The following WWOX variants were observed in gnomAD, a reference collection of about 807,000 sequenced individuals.
WWOX encodes the protein WW domain containing oxidoreductase.
A neutral mutation model predicts 46.2 loss-of-function variants in WWOX; 69 were observed. That is an observed-to-expected ratio of 1.49 (90% confidence interval 1.23 to 1.82). The LOEUF (loss-of-function observed/expected upper bound fraction) is 1.82, where lower values mean the gene tolerates loss of function less well. Among genes scored for constraint, WWOX ranks in the 40% most tolerant of loss-of-function variants. The pLI is 0.00. For missense variants in WWOX, 919 were observed against 542.6 expected, an observed-to-expected ratio of 1.69 and a Z score of -6.89; for synonymous variants, 359 against 202.6, an observed-to-expected ratio of 1.77 and a Z score of -6.56.
intron 5 of WWOX, among the ~76,000 whole-genome samples, chr16:78,194,038 C>T (rs1448046181): frequency 2.7e-5 from 4 of 150,018 alleles, no homozygotes; most frequent in Admixed American, 6.6e-5. Flanking sequence ...CCACCGAGCC[C>T]GGCTAATTTT....
intron 8 of WWOX, among the ~76,000 whole-genome samples, chr16:78,501,486 C>G (rs558436292): frequency 6.6e-6 from 1 of 151,966 alleles, no homozygotes; most frequent in Non-Finnish European, 1.5e-5. Context: ...CTCTTTCAAA[C>G]TGTACTGCTC....
At chr16:78,219,948 T>C (rs776806961) in intron 5 of WWOX, among the ~76,000 whole-genome samples, 1 of 152,234 alleles carries the variant, frequency 6.6e-6, no homozygotes, top group Non-Finnish European at 1.5e-5. Flanking sequence ...TTGAACTATA[T>C]ATATCACAAT....
At chr16:78,837,181 G>T (rs2052010321) in intron 8 of WWOX, among the ~76,000 whole-genome samples, 1 of 152,164 alleles carries the variant, frequency 6.6e-6, no homozygotes, top group African/African-American at 2.4e-5. Flanking sequence ...GCATGTAGAT[G>T]GCTTTTATTA....
At chr16:78,775,313 C>G (rs901031893) in intron 8 of WWOX, among the ~76,000 whole-genome samples, 9 of 152,120 alleles carry the variant, frequency 5.9e-5, no homozygotes, top group Non-Finnish European at 1.0e-4. Flanking sequence ...ACAGCAATGC[C>G]TTTGAGAATC....
chr16:78,574,603 T>A (rs1382209937), intron 8 of WWOX, among the ~76,000 whole-genome samples: 1 of 152,166 alleles, frequency 6.6e-6, no homozygotes, highest in Admixed American at 6.5e-5. Context: ...ATCCTTTTTA[T>A]GGCTGAATAA....
intron 8 of WWOX, among the ~76,000 whole-genome samples, chr16:78,581,592 C>T (rs1388752653): frequency 6.6e-6 from 1 of 152,012 alleles, no homozygotes; most frequent in Admixed American, 6.6e-5. Context: ...TTTTTTTTAA[C>T]CAGTAAATGC....
Position 78,408,574 on chromosome 16 carries a change from C to G in WWOX, c.606-16296C>G, listed in dbSNP as rs76986898. Among the ~76,000 whole-genome samples, 480 of 152,310 alleles carry G rather than the reference C, an allele frequency of 3.2e-3. 14 individuals carry two copies. The East Asian group carries it at 0.067, about 21-fold the overall frequency. On this transcript the variant is annotated intron_variant, in intron 6 of 8. Coordinates refer to ENST00000566780, the MANE Select transcript of WWOX (RefSeq NM_016373.4). ...AGCAGAAAGACTGTATCACAGGGAA[C>G]TTGTGTAACAGCTTGATCTCCTGTC...
chr16:79,149,415 T>C lies in WWOX; in HGVS notation c.1057-62193T>C, dbSNP rs1453174337. ...ATGGCATATATGTTTTTTTATACAT[T>C]GTTGGATACAGTTTGCTAACATTTT... On this transcript the variant is annotated intron_variant, in intron 8 of 8. Coordinates refer to ENST00000566780, the MANE Select transcript of WWOX (RefSeq NM_016373.4). Among the ~76,000 whole-genome samples, 4 of 152,214 alleles carry C rather than the reference T, an allele frequency of 2.6e-5. No homozygotes were observed. The South Asian group carries it at 8.3e-4, about 32-fold the overall frequency.
chr16:79,089,279 C>T lies in WWOX; in HGVS notation c.1057-122329C>T, dbSNP rs148044251. Among the ~76,000 whole-genome samples the T allele has an allele frequency of 3.1e-4, 47 of 151,338 alleles. No individual in the cohort carries two copies. In the East Asian group the frequency reaches 6.0e-3, roughly 19 times the overall value. ...AATGATTAGAATATTTGTAAAGTTC[C>T]TGGCAAAGGTTTGATTATAAATTAG... On this transcript the variant is annotated intron_variant, in intron 8 of 8. Coordinates refer to ENST00000566780, the MANE Select transcript of WWOX (RefSeq NM_016373.4).
chr16:78,164,481 G>T (rs1305012148), intron 5 of WWOX, among the ~76,000 whole-genome samples, 192 bp downstream of exon 5: 1 of 152,170 alleles, frequency 6.6e-6, no homozygotes, highest in Non-Finnish European at 1.5e-5. Flanking sequence ...GCATTTGTTT[G>T]TAGTTCATTG....
At chr16:78,798,845 C>T (rs1239529678) in intron 8 of WWOX, among the ~76,000 whole-genome samples, 2 of 152,126 alleles carry the variant, frequency 1.3e-5, no homozygotes, top group African/African-American at 4.8e-5. Context: ...CAGATGCGGC[C>T]AATGTCAGGA....
chr16:79,041,820 A>G (rs2047976968), intron 8 of WWOX, among the ~76,000 whole-genome samples: 1 of 152,136 alleles, frequency 6.6e-6, no homozygotes, highest in Non-Finnish European at 1.5e-5. Flanking sequence ...CAAAATTCAG[A>G]CAAACCTAGA....
intron 8 of WWOX, among the ~76,000 whole-genome samples, chr16:78,965,909 G>T (rs1347474733): frequency 1.3e-5 from 2 of 152,142 alleles, no homozygotes; most frequent in African/African-American, 4.8e-5. Flanking sequence ...TTATACAATT[G>T]GACGAAATGG....
At chr16:78,319,143 C>A (rs932100432) in intron 5 of WWOX, among the ~76,000 whole-genome samples, 5 of 152,052 alleles carry the variant, frequency 3.3e-5, no homozygotes, top group Non-Finnish European at 7.4e-5. Flanking sequence ...AAGGACACCG[C>A]CACACATTGC....
chr16:78,727,029 T>G (rs920014214), intron 8 of WWOX, among the ~76,000 whole-genome samples: 1 of 152,186 alleles, frequency 6.6e-6, no homozygotes, highest in Admixed American at 6.5e-5. Context: ...TGGTGTAAGT[T>G]GCCTTATTCC....
intron 8 of WWOX, among the ~76,000 whole-genome samples, chr16:78,735,426 C>CACACACACACAA (rs57609552): frequency 0.1 from 15,299 of 150,120 alleles, 940 homozygotes; most frequent in African/African-American, 0.15. Context: ...CACACACACA[C>CACACACACACAA]TAATATGGTT....
In WWOX at chr16:78,942,150, G is replaced by A. The variant is rs1233476527; in HGVS notation, c.1057-269458G>A. 5.9e-5 allele frequency among the ~76,000 whole-genome samples: 9 copies of A among 152,272 alleles called. No individual in the cohort carries two copies. In the East Asian group the frequency reaches 1.7e-3, roughly 29 times the overall value. ...CCTCCTTTTCTAGTAGCTTGGATGT[G>A]ATTGGTATGGAGAAGCAGAGTGGGT... On this transcript the variant is annotated intron_variant, in intron 8 of 8. Transcript: ENST00000566780.
intron 8 of WWOX, among the ~76,000 whole-genome samples, chr16:78,932,840 C>T (rs1165739819): frequency 6.6e-6 from 1 of 152,150 alleles, no homozygotes; most frequent in Non-Finnish European, 1.5e-5. Context: ...AGCAAGGAGG[C>T]ATTTGGAGGT....
intron 8 of WWOX, among the ~76,000 whole-genome samples, chr16:78,930,009 G>A (rs780013165): frequency 4.6e-5 from 7 of 152,108 alleles, no homozygotes; most frequent in East Asian, 3.9e-4. Context: ...CAGTTCTAGC[G>A]AATGGGGTGG....
Sources: allele counts gnomAD v4.1 joint callset (sites outside exome capture counted in the v4.1 genomes callset), GRCh38; gene constraint gnomAD v4.1.1; transcripts MANE v1.5; gene names NCBI Gene and HGNC (gene_info 2026-07-23, HGNC 2026-07-21).